Variants in RDX observed in about 807,000 individuals in gnomAD.
RDX encodes the protein radixin.
RDX carries 32 observed loss-of-function variants against 83.7 expected under a neutral mutation model. The ratio of observed to expected loss-of-function variants is 0.38; its 90% CI spans 0.29 to 0.51. The LOEUF is 0.51. Among genes scored for constraint, RDX ranks in the 20% least tolerant of loss-of-function variants. The pLI is 0.87. For synonymous variants in RDX, 229 were observed against 222.7 expected (o/e 1.03, Z -0.25); for missense variants, 600 against 689.9 (o/e 0.87, Z 1.46).
chr11:110,239,766 T>C (rs1865006273), intron 10 of RDX, among the ~76,000 whole-genome samples: 2 of 151,218 alleles, frequency 1.3e-5, no homozygotes, highest in Admixed American at 6.6e-5. Flanking sequence ...CCCAGTTACT[T>C]GGGTGGCAGA....
Position 110,231,647 on chromosome 11 carries a change from A to G in RDX, c.*222T>C, listed in dbSNP as rs1864639572. The stretch of plus-strand genomic sequence containing the variant: ...AAAATGTGAAAAGAGGCAATGGAAC[A>G]CCATTCTCCATTCCCTGGACCAAAA... On this transcript the variant is annotated 3_prime_UTR_variant, in exon 14 of 14. Transcript: ENST00000645495. The G allele has an allele frequency of 1.7e-6, 1 of 581,686 alleles. No homozygotes were observed. Among genetic ancestry groups the G allele is most frequent in the Non-Finnish European group, 3.1e-6 (1 of 326,514 alleles). The allele number at this position is 581,686 out of a possible 1,614,324, so 36.0% of individuals were successfully genotyped here.
intron 1 of RDX, among the ~76,000 whole-genome samples, chr11:110,281,522 T>C (rs1860760415): frequency 6.6e-6 from 1 of 152,150 alleles, no homozygotes; most frequent in South Asian, 2.1e-4. Flanking sequence ...AGAAAGGGTT[T>C]CATCATGTTG....
intron 5 of RDX, among the ~76,000 whole-genome samples, chr11:110,259,093 T>C (rs1047846447): frequency 3.9e-5 from 6 of 151,986 alleles, no homozygotes; most frequent in African/African-American, 1.4e-4. Context: ...AATTTTTCTT[T>C]TTTGTGTGTT....
At chr11:110,289,813 G>A (rs971408262) in intron 1 of RDX, among the ~76,000 whole-genome samples, 9 of 150,834 alleles carry the variant, frequency 6.0e-5, no homozygotes, top group African/African-American at 2.2e-4. Flanking sequence ...CAGACGTGGT[G>A]ACCTGTTTGG....
In RDX at chr11:110,191,676, C is replaced by T. The variant is rs1452519136; in HGVS notation, c.*31+7905G>A. Among the ~76,000 whole-genome samples the T allele has an allele frequency of 2.6e-5, 4 of 152,194 alleles. No individual in the cohort carries two copies. The South Asian group carries it at 6.2e-4, about 24-fold the overall frequency. On this transcript the variant is annotated intron_variant, in intron 15 of 15. Transcript: ENST00000528498. ...TTCAAGACCAGTCTGGCCAACATGG[C>T]GAAACCCCATCTCTACCAAAATTAC... is the stretch of plus-strand genomic sequence containing the variant.
In RDX at chr11:110,253,098, A is replaced by G. The variant is rs1037911920; in HGVS notation, c.959+848T>C. 7.9e-5 allele frequency among the ~76,000 whole-genome samples: 12 copies of G among 152,238 alleles called. 1 individual carries two copies. The highest frequency in any genetic ancestry group is 3.3e-4 in the Admixed American group (5 of 15,288). On this transcript the variant is annotated intron_variant, in intron 9 of 13. Transcript: ENST00000645495. ...ATCTCTTACACAGAACAGTTGTTGAATAAGAAAAAAAATCATTCAATATAA... is the reference window on the plus strand; with the variant it reads ...ATCTCTTACACAGAACAGTTGTTGAGTAAGAAAAAAAATCATTCAATATAA...
At chr11:110,224,410 C>A (rs1179256754) in intron 14 of RDX, among the ~76,000 whole-genome samples, 1 of 152,062 alleles carries the variant, frequency 6.6e-6, no homozygotes, top group South Asian at 2.1e-4. Context: ...CTCGGTTAGG[C>A]ATACATTTTT....
chr11:110,234,682 G>A (rs986243268), intron 12 of RDX, among the ~76,000 whole-genome samples: 1 of 151,752 alleles, frequency 6.6e-6, no homozygotes, highest in African/African-American at 2.4e-5. Context: ...TCCCTAAAAG[G>A]GATCTAAAAA....
intron 14 of RDX, among the ~76,000 whole-genome samples, chr11:110,210,679 A>G (rs1424436916): frequency 2.6e-5 from 4 of 151,582 alleles, no homozygotes; most frequent in African/African-American, 7.3e-5. Context: ...AGTGGGGGCC[A>G]ATATTCAACA....
chr11:110,207,668 T>C (rs902162726), intron 14 of RDX, among the ~76,000 whole-genome samples: 2 of 152,198 alleles, frequency 1.3e-5, no homozygotes, highest in African/African-American at 4.8e-5. Flanking sequence ...ACACATGAAT[T>C]GTATGAAATT....
intron 15 of RDX, among the ~76,000 whole-genome samples, chr11:110,188,468 A>G (rs1253439779): frequency 6.6e-6 from 1 of 152,092 alleles, no homozygotes; most frequent in Admixed American, 6.5e-5. Context: ...TGAGGACGCA[A>G]AGGCATAAGA....
chr11:110,204,578 G>A (rs1212235887), intron 14 of RDX, among the ~76,000 whole-genome samples: 2 of 136,298 alleles, frequency 1.5e-5, no homozygotes, highest in African/African-American at 2.8e-5. Flanking sequence ...GTGCAATGGC[G>A]CAAACTCGGC....
chr11:110,219,704 T>C (rs796097270), intron 14 of RDX, among the ~76,000 whole-genome samples: 2 of 152,256 alleles, frequency 1.3e-5, no homozygotes, highest in African/African-American at 4.8e-5. Flanking sequence ...TTACCATTCA[T>C]CAACTGAGAA....
At chr11:110,256,612 C>T (rs563157073) in intron 7 of RDX, among the ~76,000 whole-genome samples, 3 of 152,164 alleles carry the variant, frequency 2.0e-5, no homozygotes, top group African/African-American at 7.2e-5. Flanking sequence ...CAGTGGCTCA[C>T]GCCTGTAATC....
intron 10 of RDX, among the ~76,000 whole-genome samples, chr11:110,243,180 C>A (rs900387677): frequency 6.6e-6 from 1 of 152,014 alleles, no homozygotes; most frequent in Non-Finnish European, 1.5e-5. Flanking sequence ...ATGAGGGATG[C>A]TCAACCAGTA....
chr11:110,210,769 C>T (rs1208118590), intron 14 of RDX, among the ~76,000 whole-genome samples: 2 of 152,000 alleles, frequency 1.3e-5, no homozygotes, highest in Non-Finnish European at 2.9e-5. Context: ...AAATAAAATA[C>T]TTTACGGACA....
In RDX at chr11:110,257,804, CA is replaced by C; in HGVS notation, c.660del (p.Asp221MetfsTer5). The C allele has an allele frequency of 6.2e-7, 1 of 1,612,130 alleles. No individual in the cohort carries two copies. The highest frequency in any genetic ancestry group is 8.5e-7 in the Non-Finnish European group (1 of 1,179,674). Reference protein sequence around the residue: ...NKKGTELWLGVDALGLNIYEH... With the variant: ...NKKGTELWLGXDALGLNIYEH... ...TCATAAATATTCAGACCCAAAGCAT[CA>C]ACACCTAGCCACAATTCAGTTCCTT... On this transcript the variant is annotated frameshift_variant, in exon 7 of 14. Coordinates refer to ENST00000645495, the MANE Select transcript of RDX (RefSeq NM_002906.4). LOFTEE classifies it high-confidence loss of function.
intron 14 of RDX, among the ~76,000 whole-genome samples, chr11:110,203,702 GCAT>G (rs1302109121): frequency 6.6e-6 from 1 of 151,682 alleles, no homozygotes; most frequent in Admixed American, 6.6e-5. Context: ...ATTTTTAGTA[GCAT>G]CATCTACAAA....
chr11:110,284,276 T>G (rs960597238), intron 1 of RDX, among the ~76,000 whole-genome samples: 4 of 152,130 alleles, frequency 2.6e-5, no homozygotes, highest in Non-Finnish European at 4.4e-5. Flanking sequence ...CCCCCCAAAC[T>G]AAATATAAAA....
Sources: allele counts gnomAD v4.1 joint callset (sites outside exome capture counted in the v4.1 genomes callset), GRCh38; gene constraint gnomAD v4.1.1; transcripts MANE v1.5; gene names NCBI Gene and HGNC (gene_info 2026-07-23, HGNC 2026-07-21).